The following ADAMTS3 variants were observed in gnomAD, a reference collection of about 807,000 sequenced individuals.
ADAMTS3 encodes A disintegrin and metalloproteinase with thrombospondin motifs 3.
A neutral mutation model predicts 129.0 loss-of-function variants in ADAMTS3; 73 were observed. The observed-to-expected ratio is 0.57, with a 90% CI of 0.47 to 0.69. The LOEUF (loss-of-function observed/expected upper bound fraction) is 0.69. ADAMTS3 is among the 30% of genes least tolerant of loss of function. ADAMTS3 has a pLI of 0.00. For missense variants in ADAMTS3, 1,457 were observed against 1,514.5 expected (o/e 0.96, Z 0.63); for synonymous variants, 477 against 510.8 (o/e 0.93, Z 0.89).
chr4:72,312,940 T>C (rs1719281977), intron 12 of ADAMTS3, among the ~76,000 whole-genome samples: 1 of 152,166 alleles, frequency 6.6e-6, no homozygotes, highest in South Asian at 2.1e-4. Context: ...TGGCTCATAA[T>C]GAACTTTAGC....
In ADAMTS3 at chr4:72,320,790, A is replaced by G; in HGVS notation, c.1026T>C (p.Ser342=). The part of the protein sequence containing the change: ...VCRWASQQQR[S]DLNHSEHHDH... ...CATGGTGTTCAGAGTGGTTGAGATC[A>G]GATCTTTGCTGTTGGGACGCCCAGC... Residue 342 remains serine (S), a synonymous_variant, in exon 7 of 22, where the codon TCT becomes TCC. Coordinates refer to ENST00000286657, the MANE Select transcript of ADAMTS3 (RefSeq NM_014243.3). The G allele has an allele frequency of 6.2e-7, 1 of 1,614,054 alleles. No individual in the cohort carries two copies. Among genetic ancestry groups the G allele is most frequent in the Non-Finnish European group, 8.5e-7 (1 of 1,179,926 alleles).
rs528942636 is a variant in ADAMTS3, at chr4:72,305,831, C to T, written c.2260+156G>A. Among the ~76,000 whole-genome samples, 5 of 152,046 alleles carry T rather than the reference C, an allele frequency of 3.3e-5. No homozygotes were observed. The East Asian group carries it at 5.8e-4, about 18-fold the overall frequency. ...CATCATGCACATGTACGCACATATA[C>T]GTATGCACATGTACGTACATATACG... On this transcript the variant is annotated intron_variant, in intron 16 of 21. Transcript: ENST00000286657.
intron 4 of ADAMTS3, among the ~76,000 whole-genome samples, chr4:72,379,029 C>T (rs1185638842): frequency 4.6e-5 from 7 of 152,258 alleles, no homozygotes; most frequent in African/African-American, 1.4e-4. Flanking sequence ...GAACAGTTCC[C>T]AACATGGCTG....
At chr4:72,515,176 T>G (rs1048631482) in intron 3 of ADAMTS3, among the ~76,000 whole-genome samples, 1 of 152,240 alleles carries the variant, frequency 6.6e-6, no homozygotes, top group Admixed American at 6.5e-5. Flanking sequence ...GATCCTTTTT[T>G]ATGGCTGCAT....
Position 72,290,962 on chromosome 4 carries a change from TG to T in ADAMTS3, c.2823del (p.Asn942ThrfsTer39), listed in dbSNP as rs751155451. The T allele has an allele frequency of 6.2e-7, 1 of 1,614,062 alleles. No homozygotes were observed. Among genetic ancestry groups the T allele is most frequent in the East Asian group, 2.2e-5 (1 of 44,826 alleles). On this transcript the variant is annotated frameshift_variant, in exon 20 of 22. Transcript: ENST00000286657. LOFTEE classifies it high-confidence loss of function. ...VRCLQPLLDG[T>X]NRSVHSKYCM... The stretch of plus-strand genomic sequence containing the variant: ...CAGTATTTGCTGTGCACAGAGCGGT[TG>T]GTGCCATCAAGGAGTGGCTGAAGGC...
intron 3 of ADAMTS3, among the ~76,000 whole-genome samples, chr4:72,481,913 A>C (rs564747919): frequency 6.6e-6 from 1 of 152,236 alleles, no homozygotes; most frequent in Admixed American, 6.5e-5. Flanking sequence ...GCACATGAAA[A>C]GATAATTAAC....
intron 2 of ADAMTS3, among the ~76,000 whole-genome samples, chr4:72,556,140 A>C (rs551434558): frequency 3.2e-4 from 48 of 149,904 alleles, no homozygotes; most frequent in African/African-American, 1.2e-3. Flanking sequence ...GGAAGGAAGG[A>C]AGGAGAGGGA....
chr4:72,392,014 T>C (rs1336435554), intron 4 of ADAMTS3, among the ~76,000 whole-genome samples: 1 of 152,234 alleles, frequency 6.6e-6, no homozygotes, highest in East Asian at 1.9e-4. Flanking sequence ...AATATGTATG[T>C]TCCAGGTGCG....
At chr4:72,557,342 A>T (rs1268394142) in intron 2 of ADAMTS3, among the ~76,000 whole-genome samples, 11 of 151,770 alleles carry the variant, frequency 7.2e-5, no homozygotes, top group Non-Finnish European at 1.3e-4. Context: ...GCAAAGCCGT[A>T]AACACTTAAG....
At chr4:72,469,745 A>T (rs1235682404) in intron 3 of ADAMTS3, among the ~76,000 whole-genome samples, 1 of 152,126 alleles carries the variant, frequency 6.6e-6, no homozygotes, top group African/African-American at 2.4e-5. Context: ...ATTCACTGTG[A>T]GGACAACAGG....
intron 2 of ADAMTS3, among the ~76,000 whole-genome samples, chr4:72,558,996 C>T (rs1314962083): frequency 6.6e-6 from 1 of 151,618 alleles, no homozygotes; most frequent in Non-Finnish European, 1.5e-5. Context: ...CAGTCTTTGC[C>T]ACAACTTGTG....
At chr4:72,451,735 T>A (rs1221697661) in intron 3 of ADAMTS3, among the ~76,000 whole-genome samples, 1 of 151,666 alleles carries the variant, frequency 6.6e-6, no homozygotes, top group Non-Finnish European at 1.5e-5. Flanking sequence ...AAAGGAAATA[T>A]GATTGACCCA....
chr4:72,415,428 T>C (rs1013105874), intron 3 of ADAMTS3, among the ~76,000 whole-genome samples: 6 of 151,922 alleles, frequency 3.9e-5, no homozygotes, highest in African/African-American at 7.2e-5. Flanking sequence ...CCAAACAAAG[T>C]GGCATGAGAG....
intron 4 of ADAMTS3, among the ~76,000 whole-genome samples, chr4:72,404,998 G>A (rs1359661054): frequency 6.6e-6 from 1 of 152,008 alleles, no homozygotes; most frequent in Non-Finnish European, 1.5e-5. Flanking sequence ...ACAGAAGTGA[G>A]ATATTACATA....
At chr4:72,523,469 C>T (rs985883649) in intron 3 of ADAMTS3, among the ~76,000 whole-genome samples, 3 of 151,978 alleles carry the variant, frequency 2.0e-5, no homozygotes, top group African/African-American at 7.2e-5. Flanking sequence ...GCAAATGTCA[C>T]TCAAATTAAA....
intron 4 of ADAMTS3, among the ~76,000 whole-genome samples, chr4:72,412,106 G>A (rs1229647175): frequency 1.3e-5 from 2 of 152,062 alleles, no homozygotes; most frequent in Non-Finnish European, 2.9e-5. Flanking sequence ...ATGAAATCTT[G>A]CAGGGTCAGA....
intron 4 of ADAMTS3, among the ~76,000 whole-genome samples, chr4:72,390,473 G>T (rs1439039562): frequency 6.6e-6 from 1 of 152,078 alleles, no homozygotes; most frequent in Non-Finnish European, 1.5e-5. Context: ...CTTAGATGGA[G>T]CCTGAATTCA....
chr4:72,481,645 G>A (rs1159438662), intron 3 of ADAMTS3, among the ~76,000 whole-genome samples: 1 of 152,028 alleles, frequency 6.6e-6, no homozygotes, highest in African/African-American at 2.4e-5. Flanking sequence ...TAGGCAAAGA[G>A]TTCTTATGAC....
chr4:72,463,366 C>A (rs970268040), intron 3 of ADAMTS3, among the ~76,000 whole-genome samples: 12 of 151,982 alleles, frequency 7.9e-5, no homozygotes, highest in Non-Finnish European at 1.8e-4. Flanking sequence ...AAATGACCAA[C>A]CTCTCAAAAA....
Sources: allele counts gnomAD v4.1 joint callset (sites outside exome capture counted in the v4.1 genomes callset), GRCh38; gene constraint gnomAD v4.1.1; transcripts MANE v1.5; gene names NCBI Gene and HGNC (gene_info 2026-07-23, HGNC 2026-07-21).